HERC5: variants seen among roughly 807,000 people sequenced by gnomAD.
The protein encoded by HERC5 is HECT and RLD domain containing E3 ubiquitin protein ligase 5.
Under a neutral mutation model 119.6 loss-of-function variants are expected in HERC5, and 99 were observed. The observed-to-expected ratio is 0.83, with a 90% CI of 0.70 to 0.98. HERC5 has a LOEUF of 0.98. HERC5 is among the 50% of genes least tolerant of loss of function. HERC5 has a pLI of 0.00. For synonymous variants in HERC5, 478 were observed against 445.9 expected, an observed-to-expected ratio of 1.07 and a Z score of -0.91; for missense variants, 1,267 against 1,241.3, an observed-to-expected ratio of 1.02 and a Z score of -0.31.
rs374596221 is a variant in HERC5 at position 88,489,195 on chromosome 4, G to A, written c.1992G>A (p.Ser664=). 1.4e-5 allele frequency: 23 copies of A among 1,612,686 alleles called. No homozygotes were observed. Among genetic ancestry groups the A allele is most frequent in the East Asian group, 2.2e-5 (1 of 44,860 alleles). The change falls in exon 16 of 23, where the codon TCG becomes TCA. Residue 664 remains serine (S), a synonymous_variant. Transcript: ENST00000264350. ...AAAAACATAAAGCTTATCTTAGGTCGGCAGCAATTGAGGAAGAAAGAGAGT... is the reference window on the plus strand; with the variant it reads ...AAAAACATAAAGCTTATCTTAGGTCAGCAGCAATTGAGGAAGAAAGAGAGT... ...ESKKHKAYLR[S]AAIEEERESE...
chr4:88,487,661 A>C (rs1018499328), intron 15 of HERC5, among the ~76,000 whole-genome samples: 7 of 152,216 alleles, frequency 4.6e-5, no homozygotes, highest in African/African-American at 1.7e-4. Flanking sequence ...AGGTTTGTAC[A>C]GATTCCTCCC....
intron 7 of HERC5, chr4:88,467,909 C>G: frequency 1.0e-6 from 1 of 981,682 alleles, no homozygotes; most frequent in Non-Finnish European, 1.2e-6. Flanking sequence ...TGTAGGAAAA[C>G]GAACAGAGTT....
chr4:88,480,977 C>CT (rs1741259165), intron 13 of HERC5, among the ~76,000 whole-genome samples: 1 of 152,128 alleles, frequency 6.6e-6, no homozygotes, highest in Admixed American at 6.5e-5. Flanking sequence ...CAAACACATT[C>CT]TTAATTTTAT....
chr4:88,499,785 C>A, intron 18 of HERC5, 141 bp from the exon 19 acceptor site: 1 of 555,472 alleles, frequency 1.8e-6, no homozygotes. Context: ...TTTAGACTAT[C>A]AGTACGCAGA....
At chr4:88,493,428 TACTC>T (rs915652077) in intron 17 of HERC5, among the ~76,000 whole-genome samples, 1 of 152,192 alleles carries the variant, frequency 6.6e-6, no homozygotes, top group Admixed American at 6.5e-5. Context: ...CTTTTTTAGG[TACTC>T]ATTCTTTGTG....
intron 11 of HERC5, chr4:88,474,024 T>C (rs939488881): frequency 6.6e-6 from 1 of 152,220 alleles, no homozygotes; most frequent in African/African-American, 2.4e-5. Context: ...TTGGCATGTG[T>C]TCATTTATTC....
intron 13 of HERC5, among the ~76,000 whole-genome samples, chr4:88,479,818 A>G (rs1332095825): frequency 1.3e-5 from 2 of 152,124 alleles, no homozygotes; most frequent in Non-Finnish European, 2.9e-5. Context: ...CTGTCATCCT[A>G]GCACTTTAGG....
chr4:88,466,587 GC>G (rs1740675931), intron 6 of HERC5, among the ~76,000 whole-genome samples: 1 of 152,200 alleles, frequency 6.6e-6, no homozygotes, highest in South Asian at 2.1e-4. Context: ...TAGGAACAGG[GC>G]ACCAGCCAGA....
chr4:88,495,073 A>G (rs1741759805), intron 18 of HERC5, among the ~76,000 whole-genome samples: 1 of 152,226 alleles, frequency 6.6e-6, no homozygotes, highest in Non-Finnish European at 1.5e-5. Flanking sequence ...TCAACTCAAC[A>G]ATTCTACTTC....
Position 88,489,267 on chromosome 4 carries a change from T to G in HERC5, c.2064T>G (p.Asn688Lys). 6.2e-7 allele frequency: 1 copy of G among 1,614,058 alleles called. No individual in the cohort carries two copies. The highest frequency in any genetic ancestry group is 1.1e-5 in the South Asian group (1 of 91,048). Residue 688 changes from asparagine to lysine, a missense_variant, in exon 16 of 23, where the codon AAT (asparagine) becomes AAG (lysine). Transcript: ENST00000264350. ...CGTTTGATCTAACAGTCAGAAGGAA[T>G]CACTTGATTGAGGATGTTTTGAATC... is the stretch of plus-strand genomic sequence containing the variant. Reference protein sequence around the residue: ...RPTFDLTVRRNHLIEDVLNQL... With the variant: ...RPTFDLTVRRKHLIEDVLNQL...
At position 88,468,372 on chromosome 4, in the gene HERC5, A is replaced by C. The variant is rs755655857; in HGVS notation, c.1084A>C (p.Ile362Leu). ...AAGCCATACCTCAGAAAAGGAGTTA[A>C]TAATGATTGCTGGAGGGAATCAAAG... ...LESHTSEKEL[I>L]MIAGGNQSIL... The change falls in exon 8 of 23, where the codon ATA becomes CTA. Residue 362 changes from isoleucine to leucine, a missense_variant. Coordinates refer to ENST00000264350, the MANE Select transcript of HERC5 (RefSeq NM_016323.4). 10 of 1,611,894 alleles carry C rather than the reference A, an allele frequency of 6.2e-6. No individual in the cohort carries two copies. Among genetic ancestry groups the C allele is most frequent in the Non-Finnish European group, 7.6e-6 (9 of 1,178,916 alleles).
chr4:88,459,149 A>T (rs1479279760), intron 1 of HERC5, among the ~76,000 whole-genome samples, 198 bp from the exon 2 acceptor site: 2 of 152,102 alleles, frequency 1.3e-5, no homozygotes, highest in South Asian at 2.1e-4. Flanking sequence ...TTTTCTAATT[A>T]AAAAAAATCT....
chr4:88,470,960 G>A (rs1184969975), intron 10 of HERC5, among the ~76,000 whole-genome samples: 1 of 151,124 alleles, frequency 6.6e-6, no homozygotes. Flanking sequence ...GATCATACTG[G>A]TTCTTTGTTT....
At chr4:88,460,491 C>T (rs552930793) in intron 3 of HERC5, among the ~76,000 whole-genome samples, 1 of 152,344 alleles carries the variant, frequency 6.6e-6, no homozygotes, top group Non-Finnish European at 1.5e-5. Flanking sequence ...TTTCCAGAAA[C>T]TGCTTCCCTT....
intron 4 of HERC5, 42 bp downstream of exon 4, chr4:88,462,398 CT>C: frequency 6.6e-7 from 1 of 1,518,848 alleles, no homozygotes; most frequent in East Asian, 2.3e-5. Context: ...AACAGATATA[CT>C]TGTTAGATGA....
At chr4:88,464,022 A>G in intron 6 of HERC5, 37 bp downstream of exon 6, 1 of 1,571,122 alleles carries the variant, frequency 6.4e-7, no homozygotes, top group Non-Finnish European at 8.7e-7. Flanking sequence ...TGATAAAATG[A>G]GTGCAGCAAA....
intron 13 of HERC5, 70 bp from the exon 14 acceptor site, chr4:88,486,041 TAATC>T (rs906968415): frequency 9.1e-6 from 7 of 768,914 alleles, no homozygotes; most frequent in African/African-American, 7.1e-5. Context: ...TTTAATCTGA[TAATC>T]TAATTAACAG....
At chr4:88,457,789 C>A in intron 1 of HERC5, 1 of 684,018 alleles carries the variant, frequency 1.5e-6, no homozygotes, top group Non-Finnish European at 2.0e-6. Context: ...GCGGGGCATG[C>A]GGGCACCGTC....
intron 17 of HERC5, 35 bp downstream of exon 17, chr4:88,493,190 G>A (rs368597927): frequency 1.6e-5 from 25 of 1,603,944 alleles, no homozygotes; most frequent in South Asian, 1.3e-4. Flanking sequence ...GGTATTTTGC[G>A]ACAGAAAAAG....
Sources: gnomAD v4.1 joint callset for allele counts (sites outside exome capture counted in the v4.1 genomes callset) on GRCh38, gnomAD v4.1.1 for gene constraint, MANE v1.5 for transcripts, NCBI Gene and HGNC (gene_info 2026-07-23, HGNC 2026-07-21) for gene names.